The following TMEFF2 variants were observed in gnomAD, a reference collection of about 807,000 sequenced individuals.
The protein encoded by TMEFF2 is transmembrane protein with EGF like and two follistatin like domains 2.
A neutral mutation model predicts 53.8 loss-of-function variants in TMEFF2; 28 were observed. The observed-to-expected ratio is 0.52, with a 90% CI of 0.39 to 0.71. The LOEUF is 0.71. Ranked by LOEUF, TMEFF2 falls within the 30% of genes least tolerant of loss-of-function variation. TMEFF2 has a pLI of 0.00. For missense variants in TMEFF2, 353 were observed against 455.2 expected (o/e 0.78, Z 2.04); for synonymous variants, 162 against 166.3 (o/e 0.97, Z 0.20).
At chr2:192,036,421 T>C (rs1189014836) in intron 5 of TMEFF2, 1 of 152,164 alleles carries the variant, frequency 6.6e-6, no homozygotes, top group African/African-American at 2.4e-5. Flanking sequence ...ACCTCAGTGA[T>C]TTAAGGAAAG....
chr2:191,966,564 T>A (rs1157385515), intron 7 of TMEFF2, among the ~76,000 whole-genome samples: 2 of 152,214 alleles, frequency 1.3e-5, no homozygotes, highest in Non-Finnish European at 2.9e-5. Context: ...CCATTCACAC[T>A]GTGTGTATAG....
intron 4 of TMEFF2, among the ~76,000 whole-genome samples, chr2:192,164,901 C>G (rs548940654): frequency 1.3e-5 from 2 of 151,650 alleles, no homozygotes; most frequent in South Asian, 4.2e-4. Flanking sequence ...GCTATGTTAT[C>G]AATGCTCAGA....
At chr2:191,965,143 TAGGTGATG>T in intron 7 of TMEFF2, among the ~76,000 whole-genome samples, 1 of 152,288 alleles carries the variant, frequency 6.6e-6, no homozygotes, top group South Asian at 2.1e-4. Context: ...CAACTTTTTA[TAGGTGATG>T]AGGTGATCAC....
intron 4 of TMEFF2, among the ~76,000 whole-genome samples, chr2:192,085,450 A>C (rs1395930129): frequency 6.6e-6 from 1 of 152,076 alleles, no homozygotes; most frequent in Non-Finnish European, 1.5e-5. Context: ...GTCGGGCATC[A>C]CTCACTGTGG....
chr2:191,996,677 GTAC>G (rs1343632536), intron 7 of TMEFF2, among the ~76,000 whole-genome samples: 2 of 151,454 alleles, frequency 1.3e-5, no homozygotes, highest in Non-Finnish European at 2.9e-5. Context: ...TAAAAGCTGT[GTAC>G]TATAAGGAAC....
At chr2:192,011,235 T>A (rs1411531268) in intron 5 of TMEFF2, among the ~76,000 whole-genome samples, 6 of 152,194 alleles carry the variant, frequency 3.9e-5, no homozygotes, top group Non-Finnish European at 8.8e-5. Flanking sequence ...AATCACTGAA[T>A]AATTTACTGA....
chr2:191,997,534 T>C (rs1277718594), intron 7 of TMEFF2, among the ~76,000 whole-genome samples: 1 of 151,530 alleles, frequency 6.6e-6, no homozygotes, highest in African/African-American at 2.4e-5. Flanking sequence ...ACTTCACATA[T>C]CATTATCAAC....
At chr2:192,125,406 T>C (rs999128587) in intron 4 of TMEFF2, among the ~76,000 whole-genome samples, 27 of 152,264 alleles carry the variant, frequency 1.8e-4, no homozygotes, top group African/African-American at 6.0e-4. Flanking sequence ...TATAGAAATA[T>C]AAATATCTTT....
At chr2:192,127,619 A>G (rs1689708123) in intron 4 of TMEFF2, among the ~76,000 whole-genome samples, 1 of 152,202 alleles carries the variant, frequency 6.6e-6, no homozygotes, top group Non-Finnish European at 1.5e-5. Flanking sequence ...GCTTCAACAC[A>G]TGACAAGAAC....
chr2:192,004,798 T>C (rs1336582679), intron 5 of TMEFF2, among the ~76,000 whole-genome samples: 1 of 152,232 alleles, frequency 6.6e-6, no homozygotes, highest in Non-Finnish European at 1.5e-5. Context: ...ATCCCTTCAC[T>C]GCTTTTGGCA....
chr2:192,168,457 T>C (rs918868946), intron 4 of TMEFF2, among the ~76,000 whole-genome samples: 4 of 151,990 alleles, frequency 2.6e-5, no homozygotes, highest in Admixed American at 6.6e-5. Flanking sequence ...GAATAGAGTA[T>C]TCATATAGGT....
In TMEFF2 at chr2:191,987,082, C is replaced by T. The variant is rs117390777; in HGVS notation, c.745+11180G>A. ...AAAAAGCAGGATTTTAAACACAACA[C>T]GATTGACATTCTGGCTGGATAATGT... On this transcript the variant is annotated intron_variant, in intron 7 of 9. Transcript: ENST00000272771. 1.7e-3 allele frequency among the ~76,000 whole-genome samples: 260 copies of T among 152,104 alleles called. 3 individuals are homozygous for T. The East Asian group carries it at 0.042, about 25-fold the overall frequency.
chr2:191,961,974 T>C (rs1692287043), intron 7 of TMEFF2, among the ~76,000 whole-genome samples: 1 of 152,142 alleles, frequency 6.6e-6, no homozygotes, highest in South Asian at 2.1e-4. Flanking sequence ...AAAATGCTAG[T>C]TAAAAGTGAC....
At chr2:192,155,011 C>T (rs1431719679) in intron 4 of TMEFF2, among the ~76,000 whole-genome samples, 1 of 151,788 alleles carries the variant, frequency 6.6e-6, no homozygotes, top group Admixed American at 6.6e-5. Flanking sequence ...AGTTGGATAT[C>T]GATATTTCTT....
chr2:192,186,209 G>A (rs989904705), intron 2 of TMEFF2, among the ~76,000 whole-genome samples: 1 of 152,234 alleles, frequency 6.6e-6, no homozygotes, highest in Admixed American at 6.5e-5. Flanking sequence ...TTCTGATTAG[G>A]TGATACCTGT....
intron 7 of TMEFF2, among the ~76,000 whole-genome samples, chr2:191,969,922 C>CT (rs1249047594): frequency 1.3e-5 from 2 of 152,164 alleles, no homozygotes; most frequent in Admixed American, 6.5e-5. Context: ...TGGAATCACT[C>CT]TAAGAAAATC....
chr2:192,069,986 GTGTATATATATATATA>G (rs1166523041), intron 4 of TMEFF2, among the ~76,000 whole-genome samples: 11 of 11,672 alleles, frequency 9.4e-4, no homozygotes, highest in African/African-American at 1.5e-3. Context: ...GTGTGTGTGT[GTGTATATATATATATA>G]TATATATATA....
intron 5 of TMEFF2, among the ~76,000 whole-genome samples, chr2:192,000,572 C>CTA (rs781749153): frequency 1.3e-4 from 20 of 152,190 alleles, no homozygotes; most frequent in Middle Eastern, 3.4e-3. Context: ...TTCTAACATT[C>CTA]TATATTCTTA....
chr2:191,956,898 T>C (rs1202506162), intron 7 of TMEFF2, among the ~76,000 whole-genome samples: 2 of 152,228 alleles, frequency 1.3e-5, no homozygotes, highest in Non-Finnish European at 2.9e-5. Context: ...TAAAATCTAC[T>C]GCAAACATGA....
Sources: gnomAD v4.1 joint callset for allele counts (sites outside exome capture counted in the v4.1 genomes callset) on GRCh38, gnomAD v4.1.1 for gene constraint, MANE v1.5 for transcripts, NCBI Gene and HGNC (gene_info 2026-07-23, HGNC 2026-07-21) for gene names.